The following BAAT variants were observed in gnomAD, a reference collection of about 807,000 sequenced individuals.
BAAT encodes bile acid-CoA:amino acid N-acyltransferase, also known as bile acid CoA: amino acid N-acyltransferase (glycine N-choloyltransferase).
BAAT carries 13 observed loss-of-function variants against 18.9 expected under a neutral mutation model. The observed-to-expected ratio is 0.69, with a 90% CI of 0.45 to 1.10. BAAT has a LOEUF of 1.10. Among genes scored for constraint, BAAT ranks in the 50% least tolerant of loss-of-function variants. The pLI is 0.00. For synonymous variants in BAAT, 170 were observed against 190.7 expected (o/e 0.89, Z 0.89); for missense variants, 489 against 504.0 (o/e 0.97, Z 0.28).
intron 1 of BAAT, among the ~76,000 whole-genome samples, chr9:101,378,682 G>C (rs1588144874): frequency 6.6e-6 from 1 of 152,164 alleles, no homozygotes; most frequent in East Asian, 1.9e-4. Context: ...AAGATTTCAT[G>C]ACTAAAACAC....
In BAAT at chr9:101,362,657, T is replaced by C; in HGVS notation, c.1028A>G (p.Gln343Arg). ...GTTGTTCTTCCCATGTCTCTTCAGC[T>C]GTCCTATGGCTTGTTCAGCGTGTGC... ...SKAHAEQAIG[Q>R]LKRHGKNNWT... Residue 343 changes from glutamine to arginine, a missense_variant, in exon 4 of 4, where the codon CAG becomes CGG. Gln to Arg is a conservative substitution (Grantham distance 43, BLOSUM62 1). Coordinates refer to ENST00000259407, the MANE Select transcript of BAAT (RefSeq NM_001701.4). 6.2e-7 allele frequency: 1 copy of C among 1,614,200 alleles called. No homozygotes were observed. The highest frequency in any genetic ancestry group is 1.6e-4 in the Middle Eastern group (1 of 6,062).
chr9:101,382,681 TTC>T (rs1377570904), intron 1 of BAAT, among the ~76,000 whole-genome samples: 13 of 152,210 alleles, frequency 8.5e-5, no homozygotes, highest in Admixed American at 8.5e-4. Context: ...GTTGAATTCT[TTC>T]TTTCGAGGAG....
At chr9:101,365,746 C>T (rs1829814835) in intron 3 of BAAT, among the ~76,000 whole-genome samples, 1 of 152,090 alleles carries the variant, frequency 6.6e-6, no homozygotes, top group Non-Finnish European at 1.5e-5. Context: ...GTTGGCCAGG[C>T]TGGTCTTGAA....
chr9:101,363,002 C>T lies in BAAT; in HGVS notation c.683G>A (p.Gly228Asp). The T allele has an allele frequency of 6.2e-7, 1 of 1,613,798 alleles. No individual in the cohort carries two copies. Among genetic ancestry groups the T allele is most frequent in the South Asian group, 1.1e-5 (1 of 91,060 alleles). Residue 228 changes from glycine (G) to aspartate (D), a missense_variant, in exon 4 of 4, where the codon GGC becomes GAC. Gly to Asp is a moderately conservative substitution (Grantham distance 94). Transcript: ENST00000259407. ...LLRHPKVFGS[G>D]VGVVSVCQGV... is the part of the protein sequence containing the mutation. ...TTGACATACAGAGACTACCCCAACG[C>T]CTGAGCCAAAGACCTGAAAAAAATA...
At chr9:101,379,739 A>C (rs747993321) in intron 1 of BAAT, among the ~76,000 whole-genome samples, 1 of 152,220 alleles carries the variant, frequency 6.6e-6, no homozygotes, top group African/African-American at 2.4e-5. Context: ...AGAAGTCTCT[A>C]AAGACAAACC....
At chr9:101,367,170 G>T (rs1175696859) in intron 3 of BAAT, among the ~76,000 whole-genome samples, 2 of 150,682 alleles carry the variant, frequency 1.3e-5, no homozygotes, top group African/African-American at 2.4e-5. Flanking sequence ...AATTAACAAG[G>T]TTTAATAAAC....
rs1829741251 is a variant in BAAT at position 101,362,352 on chromosome 9, C to T, written c.*76G>A. On this transcript the variant is annotated 3_prime_UTR_variant, in exon 4 of 4. Transcript: ENST00000259407. ...ATGTGTGTGTGGCAGCTGGGGGAGA[C>T]ATTCCGCCATGAAAATTGAGAGAAG... The T allele has an allele frequency of 7.0e-7, 1 of 1,432,616 alleles. No individual in the cohort carries two copies. Among genetic ancestry groups the T allele is most frequent in the Non-Finnish European group, 9.7e-7 (1 of 1,030,338 alleles). 88.7% of individuals were successfully genotyped at this position (1,432,616 alleles called of 1,614,324 possible).
chr9:101,372,990 T>C lies in BAAT; in HGVS notation c.-59-1527A>G, dbSNP rs1829980717. On this transcript the variant is annotated intron_variant, in intron 1 of 3. Coordinates refer to ENST00000259407, the MANE Select transcript of BAAT (RefSeq NM_001701.4). ...GATCAGGGGTGCAAGCTGAAAGAAATCTGAGGCATTGCACACCTTCATGTA... is the reference window on the plus strand; with the variant it reads ...GATCAGGGGTGCAAGCTGAAAGAAACCTGAGGCATTGCACACCTTCATGTA... 2.0e-5 allele frequency among the ~76,000 whole-genome samples: 3 copies of C among 152,214 alleles called. No homozygotes were observed. In the South Asian group the frequency reaches 6.2e-4, roughly 32 times the overall value.
intron 3 of BAAT, among the ~76,000 whole-genome samples, chr9:101,367,116 G>GAAAAAAAAAAA (rs66591298): frequency 1.0e-5 from 1 of 99,672 alleles, no homozygotes; most frequent in Non-Finnish European, 1.9e-5. Flanking sequence ...GTCAAAAAAA[G>GAAAAAAAAAAA]AAAAAAAAAA....
rs761251037 is a variant in BAAT, at chr9:101,362,396, G to T, written c.*32C>A. ...AGAGAAGGTCCCGGTAAAGAGATTT[G>T]CTTCTTTATTTTCTAGGAATATCTA... On this transcript the variant is annotated 3_prime_UTR_variant, in exon 4 of 4. Coordinates refer to ENST00000259407, the MANE Select transcript of BAAT (RefSeq NM_001701.4). 8 of 1,601,244 alleles carry T rather than the reference G, an allele frequency of 5.0e-6. No individual in the cohort carries two copies. The African/African-American group carries it at 1.1e-4, about 21-fold the overall frequency.
rs112391988 is a variant in BAAT, at chr9:101,381,191, A to G, written c.-60+3664T>C. The stretch of plus-strand genomic sequence containing the variant: ...TGGGAGTTTAAACCCACACATATCA[A>G]TAATTACGTTAAATACAAACAGATC... On this transcript the variant is annotated intron_variant, in intron 1 of 3. Transcript: ENST00000259407. Among the ~76,000 whole-genome samples, 5 of 152,222 alleles carry G rather than the reference A, an allele frequency of 3.3e-5. 1 individual carries two copies. The highest frequency in any genetic ancestry group is 1.2e-4 in the African/African-American group (5 of 41,546).
At chr9:101,369,785 T>C (rs1829897301) in intron 2 of BAAT, among the ~76,000 whole-genome samples, 1 of 152,196 alleles carries the variant, frequency 6.6e-6, no homozygotes, top group South Asian at 2.1e-4. Flanking sequence ...GGAAAGCTTT[T>C]ATTGCTTTTT....
intron 1 of BAAT, among the ~76,000 whole-genome samples, 116 bp downstream of exon 1, chr9:101,384,739 C>A (rs988925244): frequency 6.6e-6 from 1 of 151,980 alleles, no homozygotes; most frequent in African/African-American, 2.4e-5. Flanking sequence ...AAACTATAGG[C>A]CACATTTTTG....
chr9:101,384,585 C>G (rs182692244), intron 1 of BAAT, among the ~76,000 whole-genome samples: 277 of 152,202 alleles, frequency 1.8e-3, no homozygotes, highest in Non-Finnish European at 1.3e-3. Flanking sequence ...AACTTTTGAC[C>G]CAGCAATTCT....
At position 101,361,665 on chromosome 9, in the gene BAAT, A is replaced by G. The variant is rs1829726820; in HGVS notation, c.*763T>C. 1 of 152,800 alleles carries G rather than the reference A, an allele frequency of 6.5e-6. No individual in the cohort carries two copies. The highest frequency in any genetic ancestry group is 2.1e-4 in the South Asian group (1 of 4,834). 9.5% of individuals were successfully genotyped at this position (152,800 alleles called of 1,614,324 possible). On this transcript the variant is annotated 3_prime_UTR_variant, in exon 4 of 4. Coordinates refer to ENST00000259407, the MANE Select transcript of BAAT (RefSeq NM_001701.4). ...TATCAAACTCCCCAGGCTAGCCTGTACTAGTAGAGTTGTGTTTCTATTTTT... is the reference window on the plus strand; with the variant it reads ...TATCAAACTCCCCAGGCTAGCCTGTGCTAGTAGAGTTGTGTTTCTATTTTT...
intron 3 of BAAT, 93 bp downstream of exon 3, chr9:101,368,027 G>C (rs1014915183): frequency 1.5e-6 from 2 of 1,349,646 alleles, no homozygotes; most frequent in Non-Finnish European, 2.1e-6. Context: ...ACTCCAGCCT[G>C]GGTGACGGAG....
At chr9:101,372,245 T>C (rs144712750) in intron 1 of BAAT, among the ~76,000 whole-genome samples, 1 of 150,912 alleles carries the variant, frequency 6.6e-6, no homozygotes, top group Non-Finnish European at 1.5e-5. Flanking sequence ...TCACACAATA[T>C]ACCTATGTAA....
chr9:101,365,156 C>T (rs904902382), intron 3 of BAAT, among the ~76,000 whole-genome samples: 2 of 152,142 alleles, frequency 1.3e-5, no homozygotes, highest in Admixed American at 6.5e-5. Context: ...AATAAAGCTC[C>T]GATTCTCCTT....
At chr9:101,380,793 G>T (rs899276893) in intron 1 of BAAT, among the ~76,000 whole-genome samples, 1 of 152,006 alleles carries the variant, frequency 6.6e-6, no homozygotes, top group African/African-American at 2.4e-5. Flanking sequence ...TTGCTCTGTC[G>T]CCCAGGCTGG....
Sources: gnomAD v4.1 joint callset for allele counts (sites outside exome capture counted in the v4.1 genomes callset) on GRCh38, gnomAD v4.1.1 for gene constraint, MANE v1.5 for transcripts, NCBI Gene and HGNC (gene_info 2026-07-23, HGNC 2026-07-21) for gene names.